ITPR1: variants seen among roughly 807,000 people sequenced by gnomAD.
ITPR1 encodes the protein inositol 1,4,5-trisphosphate-gated calcium channel ITPR1.
Under a neutral mutation model 318.4 loss-of-function variants are expected in ITPR1, and 96 were observed. The observed-to-expected ratio is 0.30, with a 90% CI of 0.26 to 0.36. The LOEUF is 0.36. Ranked by LOEUF, ITPR1 falls within the 10% of genes least tolerant of loss-of-function variation. ITPR1 has a pLI of 1.00. For synonymous variants in ITPR1, 1,312 were observed against 1,289.9 expected (o/e 1.02, Z -0.37); for missense variants, 2,440 against 3,460.2 (o/e 0.71, Z 7.40).
chr3:4,663,037 T>C, intron 15 of ITPR1, 28 bp from the exon 16 acceptor site: 1 of 1,610,552 alleles, frequency 6.2e-7, no homozygotes, highest in Non-Finnish European at 8.5e-7. Flanking sequence ...TGAACACATC[T>C]GTCTCTAATA....
rs1331557036 is a variant in ITPR1, at chr3:4,841,374, G to C, written c.8190+4439G>C. ...AGCTGGCAGAGAAATGCAGTAGGGG[G>C]CTTCCCAGGAAAGGAATCAGCATGA... is the stretch of plus-strand genomic sequence containing the variant. On this transcript the variant is annotated intron_variant, in intron 61 of 61. Coordinates refer to ENST00000649015, the MANE Select transcript of ITPR1 (RefSeq NM_001378452.1). Among the ~76,000 whole-genome samples, 10 of 152,292 alleles carry C rather than the reference G, an allele frequency of 6.6e-5. 1 individual carries two copies. Among genetic ancestry groups the C allele is most frequent in the Non-Finnish European group, 7.4e-5 (5 of 68,018 alleles).
chr3:4,510,828 G>A (rs1363274484), intron 2 of ITPR1, among the ~76,000 whole-genome samples: 1 of 152,184 alleles, frequency 6.6e-6, no homozygotes, highest in Non-Finnish European at 1.5e-5. Context: ...AATGGTAGTT[G>A]AATTCAGAGC....
At chr3:4,765,330 C>T (rs1356232505) in intron 44 of ITPR1, among the ~76,000 whole-genome samples, 1 of 152,132 alleles carries the variant, frequency 6.6e-6, no homozygotes, top group Non-Finnish European at 1.5e-5. Context: ...AGAGAAAGGG[C>T]ATGACCAAGA....
chr3:4,524,000 T>A (rs1183074457), intron 4 of ITPR1, among the ~76,000 whole-genome samples: 1 of 152,232 alleles, frequency 6.6e-6, no homozygotes, highest in African/African-American at 2.4e-5. Context: ...CTTGATTTGT[T>A]GAGTGCTTTT....
At chr3:4,616,393 C>A (rs937555455) in intron 4 of ITPR1, among the ~76,000 whole-genome samples, 4 of 152,104 alleles carry the variant, frequency 2.6e-5, no homozygotes, top group Non-Finnish European at 4.4e-5. Context: ...AATCTTAACC[C>A]CCTTGGTGGG....
At chr3:4,795,684 A>G (rs539325784) in intron 53 of ITPR1, among the ~76,000 whole-genome samples, 2 of 152,342 alleles carry the variant, frequency 1.3e-5, no homozygotes, top group South Asian at 2.1e-4. Context: ...CAGGACTTGA[A>G]TGACTGCAGA....
chr3:4,592,942 T>A (rs2090506034), intron 4 of ITPR1, among the ~76,000 whole-genome samples: 1 of 152,162 alleles, frequency 6.6e-6, no homozygotes, highest in African/African-American at 2.4e-5. Context: ...ATTGGAACAC[T>A]GCGGGAGTGG....
intron 36 of ITPR1, among the ~76,000 whole-genome samples, chr3:4,704,685 T>C (rs772092236): frequency 6.6e-6 from 1 of 152,034 alleles, no homozygotes; most frequent in African/African-American, 2.4e-5. Flanking sequence ...TCAGTGCTCA[T>C]TAGAGAGGGG....
intron 12 of ITPR1, among the ~76,000 whole-genome samples, chr3:4,657,557 G>A (rs1313844438): frequency 2.0e-5 from 3 of 150,764 alleles, no homozygotes; most frequent in South Asian, 4.2e-4. Flanking sequence ...AACTTCTGCC[G>A]CCCAGGTTCA....
chr3:4,648,797 G>T (rs1166807736), intron 10 of ITPR1, among the ~76,000 whole-genome samples: 1 of 152,214 alleles, frequency 6.6e-6, no homozygotes, highest in African/African-American at 2.4e-5. Context: ...GTGACAGAGC[G>T]AGACCCTGTC....
At chr3:4,524,551 A>C (rs1451168961) in intron 4 of ITPR1, among the ~76,000 whole-genome samples, 1 of 152,076 alleles carries the variant, frequency 6.6e-6, no homozygotes, top group Admixed American at 6.5e-5. Flanking sequence ...GGGATGATGG[A>C]GTCTTTATCT....
chr3:4,835,256 A>G (rs556657502), intron 60 of ITPR1, among the ~76,000 whole-genome samples: 19 of 152,328 alleles, frequency 1.2e-4, no homozygotes, highest in Admixed American at 2.6e-4. Flanking sequence ...ATACAGCTCA[A>G]TGATCTCACT....
chr3:4,697,055 T>C, intron 33 of ITPR1, 92 bp from the exon 34 acceptor site: 1 of 1,182,752 alleles, frequency 8.5e-7, no homozygotes, highest in Non-Finnish European at 1.2e-6. Context: ...GGGATGACCA[T>C]TTTCATCGGT....
intron 5 of ITPR1, among the ~76,000 whole-genome samples, chr3:4,633,990 GTT>G (rs1306179658): frequency 6.6e-6 from 1 of 152,162 alleles, no homozygotes; most frequent in African/African-American, 2.4e-5. Context: ...TTCGATAATA[GTT>G]TCTCTGTTGC....
chr3:4,709,504 G>A (rs1000907961), intron 37 of ITPR1, among the ~76,000 whole-genome samples: 13 of 152,276 alleles, frequency 8.5e-5, no homozygotes, highest in African/African-American at 2.4e-4. Flanking sequence ...ATTATCCAAC[G>A]TGCTGTGTTT....
chr3:4,814,992 G>C (rs1193848888), intron 58 of ITPR1, 61 bp from the exon 59 acceptor site: 26 of 1,414,194 alleles, frequency 1.8e-5, no homozygotes, highest in Admixed American at 1.0e-4. Context: ...CTGTGCCCCA[G>C]GCTCCGCAGA....
chr3:4,738,824 G>A (rs918348847), intron 44 of ITPR1, among the ~76,000 whole-genome samples: 5 of 152,206 alleles, frequency 3.3e-5, no homozygotes, highest in East Asian at 1.9e-4. Flanking sequence ...TCAGCCACGT[G>A]TGGAGCAGGG....
Position 4,771,934 on chromosome 3 carries a change from T to TG in ITPR1, c.5979+3173dup, listed in dbSNP as rs149658487. On this transcript the variant is annotated intron_variant, in intron 46 of 61. Transcript: ENST00000649015. ...AGTGCTCCCTCACCTACGAGACCCCTGGGATGGTAGGGAGGAATTGTAGGG... is the reference window on the plus strand; with the variant it reads ...AGTGCTCCCTCACCTACGAGACCCCTGGGGATGGTAGGGAGGAATTGTAGGG... Among the ~76,000 whole-genome samples, 1,231 of 152,120 alleles carry TG rather than the reference T, an allele frequency of 8.1e-3. 9 individuals carry two copies. The highest frequency in any genetic ancestry group is 0.027 in the African/African-American group (1,141 of 41,502).
At chr3:4,537,735 C>G (rs1219609255) in intron 4 of ITPR1, among the ~76,000 whole-genome samples, 1 of 149,808 alleles carries the variant, frequency 6.7e-6, no homozygotes, top group Non-Finnish European at 1.5e-5. Context: ...TTGATTCTCT[C>G]TTGAAGTCTC....
Sources: allele counts gnomAD v4.1 joint callset (sites outside exome capture counted in the v4.1 genomes callset), GRCh38; gene constraint gnomAD v4.1.1; transcripts MANE v1.5; gene names NCBI Gene and HGNC (gene_info 2026-07-23, HGNC 2026-07-21).